SGMS1: variants seen among roughly 807,000 people sequenced by gnomAD.
SGMS1 encodes the protein sphingomyelin synthase 1.
Under a neutral mutation model 46.2 loss-of-function variants are expected in SGMS1, and 13 were observed. That is an observed-to-expected ratio of 0.28 (90% CI 0.18 to 0.45). The LOEUF (loss-of-function observed/expected upper bound fraction) is 0.45, where lower values mean the gene tolerates loss of function less well. Ranked by LOEUF, SGMS1 falls within the 20% of genes least tolerant of loss-of-function variation. The pLI, the probability that SGMS1 is intolerant of heterozygous loss-of-function variation, is 1.00. For synonymous variants in SGMS1, 203 were observed against 187.8 expected, an observed-to-expected ratio of 1.08 and a Z score of -0.66; for missense variants, 324 against 519.9, an observed-to-expected ratio of 0.62 and a Z score of 3.66.
At chr10:50,384,746 G>A (rs979338995) in intron 6 of SGMS1, among the ~76,000 whole-genome samples, 41 of 151,846 alleles carry the variant, frequency 2.7e-4, no homozygotes, top group African/African-American at 8.7e-4. Flanking sequence ...CACTGTGCCC[G>A]GCCTACTTTC....
chr10:50,355,602 T>C (rs964992328), intron 6 of SGMS1, among the ~76,000 whole-genome samples: 3 of 152,182 alleles, frequency 2.0e-5, no homozygotes, highest in Non-Finnish European at 4.4e-5. Flanking sequence ...TGGAGTGCAG[T>C]GGCGTGATCT....
intron 7 of SGMS1, chr10:50,342,672 C>G (rs1297608741): frequency 6.6e-6 from 1 of 152,154 alleles, no homozygotes; most frequent in Non-Finnish European, 1.5e-5. Context: ...AGCTCTTTAA[C>G]AAACCAATTT....
Position 50,305,818 on chromosome 10 carries a change from C to T in SGMS1, c.*1324G>A, listed in dbSNP as rs1423651926. 1 of 152,684 alleles carries T rather than the reference C, an allele frequency of 6.5e-6. No homozygotes were observed. The highest frequency in any genetic ancestry group is 2.4e-5 in the African/African-American group (1 of 41,448). The allele number at this position is 152,684 out of a possible 1,614,324, so 9.5% of individuals were successfully genotyped here. A position where few individuals can be genotyped will look rare whatever the true frequency, so the allele number is the denominator to read the frequency against. On this transcript the variant is annotated 3_prime_UTR_variant, in exon 11 of 11. Transcript: ENST00000361781. ...AAAAATCCTACGGAAGATAATTCTG[C>T]TGCACGTAAAATACAGAATGGATAT...
chr10:50,372,285 T>G (rs902691156), intron 6 of SGMS1, among the ~76,000 whole-genome samples: 3 of 152,228 alleles, frequency 2.0e-5, no homozygotes, highest in African/African-American at 7.2e-5. Flanking sequence ...ATGAGACCTA[T>G]TATATTAACT....
At chr10:50,370,003 A>T (rs1303356640) in intron 6 of SGMS1, among the ~76,000 whole-genome samples, 1 of 152,230 alleles carries the variant, frequency 6.6e-6, no homozygotes, top group Non-Finnish European at 1.5e-5. Flanking sequence ...AGCTTTGTGT[A>T]TCTAAATGCA....
chr10:50,309,600 A>T (rs2133270946), intron 9 of SGMS1, among the ~76,000 whole-genome samples: 1 of 152,316 alleles, frequency 6.6e-6, no homozygotes. Flanking sequence ...TACTGTCCAC[A>T]TCCAGTTACA....
At chr10:50,313,392 A>G (rs1847289824) in intron 8 of SGMS1, among the ~76,000 whole-genome samples, 1 of 152,198 alleles carries the variant, frequency 6.6e-6, no homozygotes, top group Non-Finnish European at 1.5e-5. Context: ...TAAAAAAAAG[A>G]GTGAATGACA....
At chr10:50,431,854 G>A (rs550622101) in intron 6 of SGMS1, among the ~76,000 whole-genome samples, 2 of 152,288 alleles carry the variant, frequency 1.3e-5, no homozygotes, top group South Asian at 2.1e-4. Context: ...ATGACTGATC[G>A]CCAATACTAG....
At chr10:50,364,205 G>C (rs1160087407) in intron 6 of SGMS1, among the ~76,000 whole-genome samples, 1 of 151,314 alleles carries the variant, frequency 6.6e-6, no homozygotes, top group African/African-American at 2.4e-5. Context: ...AGGAGTTCAA[G>C]AAAATCCAAG....
intron 4 of SGMS1, among the ~76,000 whole-genome samples, chr10:50,466,689 T>C (rs146774979): frequency 5.3e-4 from 81 of 152,294 alleles, no homozygotes; most frequent in African/African-American, 1.8e-3. Context: ...CCATTTTGTA[T>C]AAATACATAC....
chr10:50,496,294 G>A (rs1047114057), intron 3 of SGMS1, among the ~76,000 whole-genome samples: 1 of 152,182 alleles, frequency 6.6e-6, no homozygotes, highest in Admixed American at 6.5e-5. Flanking sequence ...TACCTAGCAC[G>A]CTGTCTTGCA....
At chr10:50,354,446 T>C (rs1848097261) in intron 6 of SGMS1, among the ~76,000 whole-genome samples, 1 of 152,158 alleles carries the variant, frequency 6.6e-6, no homozygotes, top group East Asian at 1.9e-4. Flanking sequence ...TAATTCAAGA[T>C]GAATTAAAGA....
intron 6 of SGMS1, among the ~76,000 whole-genome samples, chr10:50,381,822 T>C (rs1848610840): frequency 6.6e-6 from 1 of 152,222 alleles, no homozygotes; most frequent in Non-Finnish European, 1.5e-5. Flanking sequence ...CTTCTCTATC[T>C]GTTACCACTC....
intron 6 of SGMS1, among the ~76,000 whole-genome samples, chr10:50,353,660 C>G (rs1291250151): frequency 1.3e-3 from 204 of 152,186 alleles, no homozygotes; most frequent in African/African-American, 4.7e-3. Flanking sequence ...TCCCTGTTTG[C>G]AGATGACATG....
At chr10:50,332,262 A>G (rs1847636308) in intron 7 of SGMS1, among the ~76,000 whole-genome samples, 1 of 152,068 alleles carries the variant, frequency 6.6e-6, no homozygotes, top group South Asian at 2.1e-4. Context: ...TCCTGCCTTG[A>G]GTAGGATCTC....
chr10:50,585,266 T>C (rs1564438155), intron 2 of SGMS1, among the ~76,000 whole-genome samples: 1 of 152,244 alleles, frequency 6.6e-6, no homozygotes, highest in African/African-American at 2.4e-5. Flanking sequence ...AGACTGACCA[T>C]ATGCTTGGCT....
At chr10:50,390,643 A>G (rs79021927) in intron 6 of SGMS1, among the ~76,000 whole-genome samples, 1 of 115,954 alleles carries the variant, frequency 8.6e-6, no homozygotes, top group South Asian at 3.2e-4. Flanking sequence ...GCCTCTTAAG[A>G]AAAAAAAATT....
At chr10:50,594,272 C>T (rs978411009) in intron 1 of SGMS1, among the ~76,000 whole-genome samples, 1 of 152,184 alleles carries the variant, frequency 6.6e-6, no homozygotes, top group African/African-American at 2.4e-5. Flanking sequence ...ACCCAGCCAA[C>T]ACCACACACT....
At chr10:50,520,081 G>A (rs1320106649) in intron 2 of SGMS1, among the ~76,000 whole-genome samples, 160 bp from the exon 3 acceptor site, 2 of 152,088 alleles carry the variant, frequency 1.3e-5, no homozygotes, top group Admixed American at 6.6e-5. Flanking sequence ...CTCAGTCTAA[G>A]CCATTTTAAC....
Sources: allele counts gnomAD v4.1 joint callset (sites outside exome capture counted in the v4.1 genomes callset), GRCh38; gene constraint gnomAD v4.1.1; transcripts MANE v1.5; gene names NCBI Gene and HGNC (gene_info 2026-07-23, HGNC 2026-07-21).